GRIK1: variants seen among roughly 807,000 people sequenced by gnomAD.
The protein encoded by GRIK1 is glutamate receptor ionotropic, kainate 1.
In GRIK1, 69 loss-of-function variants were observed where a neutral mutation model predicts 105.7. That is an observed-to-expected ratio of 0.65 (90% CI 0.54 to 0.80). The LOEUF (loss-of-function observed/expected upper bound fraction) is 0.80. GRIK1 is among the 30% of genes least tolerant of loss of function. The pLI is 0.00. For missense variants in GRIK1, 1,109 were observed against 1,167.3 expected (o/e 0.95, Z 0.73); for synonymous variants, 438 against 431.3 (o/e 1.02, Z -0.19).
chr21:29,789,557 A>C (rs1022470219), intron 1 of GRIK1, among the ~76,000 whole-genome samples: 6 of 152,192 alleles, frequency 3.9e-5, no homozygotes, highest in African/African-American at 1.4e-4. Flanking sequence ...TGTAAAAGAA[A>C]AGCTCTTTTC....
rs113677187 is a variant in GRIK1 at position 29,544,018 on chromosome 21, C to T, written c.2608-6134G>A. ...CTCTATTTAATTTTTGTTCCCACACCTGGGACCTGATGCCAACATCCTTAC... is the reference window on the plus strand; with the variant it reads ...CTCTATTTAATTTTTGTTCCCACACTTGGGACCTGATGCCAACATCCTTAC... On this transcript the variant is annotated intron_variant, in intron 16 of 17. Transcript: ENST00000327783. Among the ~76,000 whole-genome samples the T allele has an allele frequency of 4.3e-3, 657 of 152,264 alleles. 2 individuals carry two copies. The highest frequency in any genetic ancestry group is 6.9e-3 in the Non-Finnish European group (471 of 68,026).
In GRIK1 at chr21:29,668,112, T is replaced by C. The variant is rs1247463766; in HGVS notation, c.726+4871A>G. Among the ~76,000 whole-genome samples the C allele has an allele frequency of 2.0e-5, 3 of 152,188 alleles. No individual in the cohort carries two copies. In the East Asian group the frequency reaches 5.8e-4, roughly 29 times the overall value. On this transcript the variant is annotated intron_variant, in intron 4 of 17. Transcript: ENST00000327783. The stretch of plus-strand genomic sequence containing the variant: ...TGGCTCATTCATTCGTTTGGTTCAT[T>C]TATTCATTCAACAGAGCTGTACTGA...
chr21:29,681,248 A>G (rs1280508137), intron 3 of GRIK1, among the ~76,000 whole-genome samples: 1 of 152,236 alleles, frequency 6.6e-6, no homozygotes, highest in East Asian at 1.9e-4. Context: ...AGTAGAGACT[A>G]CTGCAGAATG....
rs1555835577 is a variant in GRIK1 at position 29,560,582 on chromosome 21, T to TTCTTTCTC, written c.2356+1041_2356+1042insGAGAAAGA. Among the ~76,000 whole-genome samples, 41 of 116,468 alleles carry TTCTTTCTC rather than the reference T, an allele frequency of 3.5e-4. 1 individual carries two copies. Among genetic ancestry groups the TTCTTTCTC allele is most frequent in the Non-Finnish European group, 6.2e-4 (35 of 56,638 alleles). 76.4% of individuals were successfully genotyped at this position (116,468 alleles called of 152,430 possible). A position where few individuals can be genotyped will look rare whatever the true frequency, so the allele number is the denominator to read the frequency against. ...TTTCTTTCTTTCTTTCTTTCTCTCT[T>TTCTTTCTC]TCTTTCTTTCTCTCCTTCCTTCCTT... On this transcript the variant is annotated intron_variant, in intron 15 of 17. Transcript: ENST00000327783.
At chr21:29,666,958 G>A (rs778753980) in intron 4 of GRIK1, among the ~76,000 whole-genome samples, 3 of 152,044 alleles carry the variant, frequency 2.0e-5, no homozygotes, top group African/African-American at 4.8e-5. Flanking sequence ...AATCTCTCTG[G>A]GCTCTGTCAG....
chr21:29,745,131 T>G (rs1472722965), intron 1 of GRIK1, among the ~76,000 whole-genome samples: 1 of 152,182 alleles, frequency 6.6e-6, no homozygotes, highest in African/African-American at 2.4e-5. Flanking sequence ...CTCTAATGCT[T>G]TCTGAGCTTG....
At chr21:29,671,367 C>G (rs943939761) in intron 4 of GRIK1, among the ~76,000 whole-genome samples, 4 of 151,958 alleles carry the variant, frequency 2.6e-5, no homozygotes, top group Admixed American at 1.3e-4. Flanking sequence ...TCAAGTGATC[C>G]TCCCACCTTA....
intron 7 of GRIK1, 96 bp from the exon 8 acceptor site, chr21:29,599,033 C>A: frequency 1.6e-6 from 1 of 625,004 alleles, no homozygotes; most frequent in Non-Finnish European, 2.8e-6. Context: ...TCACAGTATC[C>A]AATTATTTGT....
At chr21:29,875,259 A>G (rs568742806) in intron 1 of GRIK1, among the ~76,000 whole-genome samples, 1 of 152,184 alleles carries the variant, frequency 6.6e-6, no homozygotes, top group East Asian at 1.9e-4. Context: ...CATTTCTACC[A>G]GGAAACCTGG....
rs139160994 is a variant in GRIK1, at chr21:29,659,689, G to A, written c.727-4826C>T. Among the ~76,000 whole-genome samples the A allele has an allele frequency of 3.7e-3, 564 of 152,210 alleles. 6 individuals carry two copies. Among genetic ancestry groups the A allele is most frequent in the African/African-American group, 0.013 (545 of 41,536 alleles). On this transcript the variant is annotated intron_variant, in intron 4 of 17. Coordinates refer to ENST00000327783, the MANE Select transcript of GRIK1 (RefSeq NM_001330994.2). ...TAAAAACTCAATGCCGGCCAGGCGC[G>A]GTGGCTCACGCTTGTAATCCCAGCA...
At position 29,761,750 on chromosome 21, in the gene GRIK1, G is replaced by A. The variant is rs1037791330; in HGVS notation, c.119-67687C>T. Reference sequence around the variant, plus strand: ...TTCCTTCCTTCTTTCTCTTTCTTTCGTTCTTTTTTTTTTTTTCTCACAGTT... The same window carrying A: ...TTCCTTCCTTCTTTCTCTTTCTTTCATTCTTTTTTTTTTTTTCTCACAGTT... On this transcript the variant is annotated intron_variant, in intron 1 of 17. Coordinates refer to ENST00000327783, the MANE Select transcript of GRIK1 (RefSeq NM_001330994.2). Among the ~76,000 whole-genome samples, 10 of 92,158 alleles carry A rather than the reference G, an allele frequency of 1.1e-4. 1 individual carries two copies. Among genetic ancestry groups the A allele is most frequent in the Admixed American group, 4.9e-4 (4 of 8,134 alleles). 60.5% of individuals were successfully genotyped at this position (92,158 alleles called of 152,430 possible).
chr21:29,905,829 T>C (rs547659022), intron 1 of GRIK1, among the ~76,000 whole-genome samples: 11 of 152,126 alleles, frequency 7.2e-5, no homozygotes, highest in Non-Finnish European at 8.8e-5. Flanking sequence ...GATTTTGCCA[T>C]GTTGGCCAGG....
At chr21:29,774,425 G>T (rs1304027971) in intron 1 of GRIK1, among the ~76,000 whole-genome samples, 4 of 149,572 alleles carry the variant, frequency 2.7e-5, no homozygotes, top group South Asian at 4.3e-4. Context: ...AGAGAATCAA[G>T]TGCTGTTTCT....
At chr21:29,858,958 T>G (rs1056398230) in intron 1 of GRIK1, among the ~76,000 whole-genome samples, 1 of 149,810 alleles carries the variant, frequency 6.7e-6, no homozygotes, top group African/African-American at 2.5e-5. Context: ...ACATTTTTTT[T>G]GTAGAATTTA....
chr21:29,918,882 T>C (rs74790351), intron 1 of GRIK1, among the ~76,000 whole-genome samples: 204 of 152,144 alleles, frequency 1.3e-3, no homozygotes, highest in African/African-American at 4.7e-3. Flanking sequence ...AGGTCAGCAT[T>C]CTGGCAGAGA....
chr21:29,644,971 A>C (rs2062588498), intron 6 of GRIK1, among the ~76,000 whole-genome samples: 1 of 152,234 alleles, frequency 6.6e-6, no homozygotes, highest in Non-Finnish European at 1.5e-5. Context: ...GACAGGCAAT[A>C]TTCAAACCCA....
chr21:29,643,986 C>T (rs1160460879), intron 6 of GRIK1, among the ~76,000 whole-genome samples: 2 of 152,136 alleles, frequency 1.3e-5, no homozygotes, highest in African/African-American at 4.8e-5. Flanking sequence ...AGAGATGTCA[C>T]TACTTCTGCT....
intron 11 of GRIK1, among the ~76,000 whole-genome samples, chr21:29,588,352 T>C (rs897189806): frequency 1.1e-4 from 17 of 152,142 alleles, no homozygotes; most frequent in Non-Finnish European, 2.2e-4. Flanking sequence ...ATTGTAATAA[T>C]CCCCATGTGT....
rs879771249 is a variant in GRIK1 at position 29,830,325 on chromosome 21, A to AAT, written c.118+109057_118+109058insAT. 1.7e-3 allele frequency among the ~76,000 whole-genome samples: 210 copies of AAT among 124,996 alleles called. 1 individual carries two copies. Among genetic ancestry groups the AAT allele is most frequent in the Middle Eastern group, 8.1e-3 (2 of 246 alleles). The allele number at this position is 124,996 out of a possible 152,430, so 82.0% of individuals were successfully genotyped here. The stretch of plus-strand genomic sequence containing the variant: ...CACCTCCCCACACACACACACACAC[A>AAT]CACACACACACACACACACACACAC... On this transcript the variant is annotated intron_variant, in intron 1 of 17. Transcript: ENST00000327783.
Sources: allele counts gnomAD v4.1 joint callset (sites outside exome capture counted in the v4.1 genomes callset), GRCh38; gene constraint gnomAD v4.1.1; transcripts MANE v1.5; gene names NCBI Gene and HGNC (gene_info 2026-07-23, HGNC 2026-07-21).